The following SULT1E1 variants were observed in gnomAD, a reference collection of about 807,000 sequenced individuals.
SULT1E1 encodes sulfotransferase family 1E member 1.
In SULT1E1, 36 loss-of-function variants were observed where a neutral mutation model predicts 33.6. The observed-to-expected ratio is 1.07, with a 90% CI of 0.82 to 1.41. The LOEUF is 1.41. Among genes scored for constraint, SULT1E1 ranks in the 40% most tolerant of loss-of-function variants. The pLI, the probability that SULT1E1 is intolerant of heterozygous loss-of-function variation, is 0.00. For synonymous variants in SULT1E1, 121 were observed against 111.7 expected (o/e 1.08, Z -0.53); for missense variants, 371 against 345.7 (o/e 1.07, Z -0.58).
downstream of SULT1E1, chr4:69,838,367 C>T (rs895410090): frequency 2.0e-5 from 3 of 151,854 alleles, no homozygotes; most frequent in African/African-American, 7.3e-5. Flanking sequence ...AAATATTGGG[C>T]CAAAATCCAG....
At chr4:69,848,301 C>G (rs745467576) in intron 5 of SULT1E1, among the ~76,000 whole-genome samples, 1 of 151,536 alleles carries the variant, frequency 6.6e-6, no homozygotes, top group Non-Finnish European at 1.5e-5. Flanking sequence ...TCGTAGGTAC[C>G]CTTAGTGTCA....
chr4:69,850,989 AC>A (rs1364799426), intron 4 of SULT1E1, among the ~76,000 whole-genome samples: 1 of 152,102 alleles, frequency 6.6e-6, no homozygotes, highest in Admixed American at 6.6e-5. Flanking sequence ...AGTCAAAGTT[AC>A]CAGTTTCCCA....
At chr4:69,822,880 A>T in the SULT1E1 span, among the ~76,000 whole-genome samples, 4 of 151,976 alleles carry the variant, frequency 2.6e-5, no homozygotes, top group Non-Finnish European at 4.4e-5. Context: ...GAAAAAAGTG[A>T]AAAAAAATGG....
downstream of SULT1E1, chr4:69,838,405 C>G (rs1578099671): frequency 6.6e-6 from 1 of 151,984 alleles, no homozygotes; most frequent in Non-Finnish European, 1.5e-5. Flanking sequence ...AGAGTTAAAC[C>G]TTGCTGTTAC....
intron 1 of SULT1E1, among the ~76,000 whole-genome samples, chr4:69,859,333 T>C (rs1449754304): frequency 6.6e-6 from 1 of 152,074 alleles, no homozygotes. Context: ...ATGCCTACCC[T>C]TTTCCTAGGC....
the SULT1E1 span, among the ~76,000 whole-genome samples, chr4:69,821,261 A>G: frequency 2.0e-5 from 3 of 152,140 alleles, no homozygotes; most frequent in Admixed American, 2.0e-4. Flanking sequence ...TTTTTCACAC[A>G]ATGTTCAGCG....
chr4:69,851,068 G>T (rs1721092159), intron 4 of SULT1E1, among the ~76,000 whole-genome samples: 1 of 151,946 alleles, frequency 6.6e-6, no homozygotes, highest in Non-Finnish European at 1.5e-5. Context: ...TCTTTTTGTT[G>T]CCATTGCTTT....
At chr4:69,836,232 T>G (rs1445353381), downstream of SULT1E1, among the ~76,000 whole-genome samples, 1 of 152,194 alleles carries the variant, frequency 6.6e-6, no homozygotes. Flanking sequence ...CAATCCTCCA[T>G]TCAGTCCCAT....
rs760355185 is a variant in SULT1E1 at position 69,844,314 on chromosome 4, T to A, written c.619A>T (p.Ile207Leu). The stretch of plus-strand genomic sequence containing the variant: ...GATGGCTTCCTTTCCAGGAAATGTA[T>A]CAATTTTATCACCTCTTTTCTGATA... Reference protein sequence around the residue: ...EDIRKEVIKLIHFLERKPSEE... With the variant: ...EDIRKEVIKLLHFLERKPSEE... The change falls in exon 7 of 8, where the codon ATA (isoleucine) becomes TTA (leucine). Residue 207 changes from isoleucine (I) to leucine (L), a missense_variant. Physicochemically the swap from Ile to Leu is conservative, Grantham distance 5. Transcript: ENST00000226444. 2 of 1,613,466 alleles carry A rather than the reference T, an allele frequency of 1.2e-6. No homozygotes were observed. Among genetic ancestry groups the A allele is most frequent in the Non-Finnish European group, 8.5e-7 (1 of 1,179,628 alleles).
At chr4:69,835,654 A>T in the SULT1E1 span, among the ~76,000 whole-genome samples, 2 of 152,200 alleles carry the variant, frequency 1.3e-5, no homozygotes, top group Non-Finnish European at 2.9e-5. Context: ...GATAGGTATG[A>T]TTTCTATATC....
the SULT1E1 span, among the ~76,000 whole-genome samples, chr4:69,828,814 C>T: frequency 4.5e-4 from 69 of 152,314 alleles, no homozygotes; most frequent in Admixed American, 1.8e-3. Flanking sequence ...TTCCCTGACA[C>T]TTTATATCCT....
chr4:69,850,876 C>G (rs1373830122), intron 4 of SULT1E1, among the ~76,000 whole-genome samples: 2 of 152,034 alleles, frequency 1.3e-5, no homozygotes, highest in Non-Finnish European at 2.9e-5. Context: ...TTTGGCAGAT[C>G]TTATTCAATA....
chr4:69,856,727 G>A (rs535860326), intron 2 of SULT1E1, among the ~76,000 whole-genome samples: 8 of 152,032 alleles, frequency 5.3e-5, no homozygotes, highest in African/African-American at 9.7e-5. Context: ...GAGGTCAGGA[G>A]ATCGAGACCA....
intron 7 of SULT1E1, among the ~76,000 whole-genome samples, chr4:69,843,738 G>T (rs542081814): frequency 1.2e-3 from 185 of 152,186 alleles, no homozygotes; most frequent in African/African-American, 4.3e-3. Context: ...AAAGGTGTTT[G>T]CCACTTGTTA....
the SULT1E1 span, among the ~76,000 whole-genome samples, chr4:69,829,102 A>C: frequency 6.6e-6 from 1 of 152,172 alleles, no homozygotes; most frequent in South Asian, 2.1e-4. Context: ...CTTTAAATCT[A>C]GGACTGTAAA....
chr4:69,832,914 T>G, the SULT1E1 span, among the ~76,000 whole-genome samples: 1 of 152,274 alleles, frequency 6.6e-6, no homozygotes, highest in African/African-American at 2.4e-5. Context: ...ACTTATCTCC[T>G]CACATCTCTA....
chr4:69,835,572 A>T, the SULT1E1 span, among the ~76,000 whole-genome samples: 1 of 152,196 alleles, frequency 6.6e-6, no homozygotes, highest in East Asian at 1.9e-4. Flanking sequence ...GTAATAATAA[A>T]CAGGAATAGT....
At position 69,842,011 on chromosome 4, in the gene SULT1E1, A is replaced by C. The variant is rs865944040; in HGVS notation, c.868T>G (p.Phe290Val). 2 of 1,602,394 alleles carry C rather than the reference A, an allele frequency of 1.2e-6. No individual in the cohort carries two copies. Among genetic ancestry groups the C allele is most frequent in the Non-Finnish European group, 8.5e-7 (1 of 1,173,708 alleles). The change falls in exon 8 of 8, where the codon TTT (phenylalanine) becomes GTT (valine). Residue 290 changes from phenylalanine to valine, a missense_variant. By Grantham distance (50) the Phe-to-Val change is conservative. Transcript: ENST00000226444. ...AGACCTTCTTAGATCTCAGTTCGAA[A>C]CTTCAGTGTAGATTCCTTCATTTGC... ...EQQMKESTLK[F>V]RTEI
At chr4:69,838,943 T>C (rs1481054445), downstream of SULT1E1, among the ~76,000 whole-genome samples, 1 of 152,232 alleles carries the variant, frequency 6.6e-6, no homozygotes, top group Non-Finnish European at 1.5e-5. Flanking sequence ...GTATGGTATA[T>C]TTATTTACCA....
Sources: allele counts gnomAD v4.1 joint callset (sites outside exome capture counted in the v4.1 genomes callset), GRCh38; gene constraint gnomAD v4.1.1; transcripts MANE v1.5; gene names NCBI Gene and HGNC (gene_info 2026-07-23, HGNC 2026-07-21).